The following GLRA2 variants were observed in gnomAD, a reference collection of about 807,000 sequenced individuals.
GLRA2 encodes the protein glycine receptor subunit alpha-2.
GLRA2 carries 11 observed loss-of-function variants against 31.6 expected under a neutral mutation model. The observed-to-expected ratio is 0.35, with a 90% CI of 0.22 to 0.58. The LOEUF is 0.58. GLRA2 is among the 20% of genes least tolerant of loss of function. The pLI, the probability that GLRA2 is intolerant of heterozygous loss-of-function variation, is 0.84. For missense variants in GLRA2, 212 were observed against 351.8 expected (o/e 0.60, Z 3.18); for synonymous variants, 132 against 134.0 (o/e 0.99, Z 0.10).
intron 3 of GLRA2, among the ~76,000 whole-genome samples, chrX:14,577,642 A>G (rs1479898166): frequency 1.8e-5 from 2 of 111,877 alleles, no homozygotes; most frequent in African/African-American, 6.5e-5. Flanking sequence ...CGCATGGTAG[A>G]AAGAAAATTA....
At chrX:14,577,990 A>T (rs772636288) in intron 3 of GLRA2, among the ~76,000 whole-genome samples, 31 of 111,694 alleles carry the variant, frequency 2.8e-4, no homozygotes, top group Admixed American at 9.5e-5. Context: ...CACAGTGATG[A>T]GGTCATTGAG....
intron 7 of GLRA2, among the ~76,000 whole-genome samples, chrX:14,668,115 C>T (rs1282848576): frequency 9.0e-6 from 1 of 111,663 alleles, no homozygotes; most frequent in Non-Finnish European, 1.9e-5. Context: ...GATTCAGTTC[C>T]TCCTGTGCTG....
chrX:14,573,964 G>C (rs1448641826), intron 2 of GLRA2, among the ~76,000 whole-genome samples: 1 of 110,229 alleles, frequency 9.1e-6, no homozygotes, highest in African/African-American at 3.3e-5. Context: ...CTCATGACCA[G>C]GCTATTTCAT....
At chrX:14,500,697 G>C in the GLRA2 span, among the ~76,000 whole-genome samples, 998 of 111,524 alleles carry the variant, frequency 8.9e-3, 3 homozygotes, top group Non-Finnish European at 0.014. Flanking sequence ...TGCAGGGAAG[G>C]GTGTCACAGA....
chrX:14,722,136 C>T (rs750516777), intron 8 of GLRA2, among the ~76,000 whole-genome samples: 2 of 111,950 alleles, frequency 1.8e-5, no homozygotes, highest in South Asian at 3.7e-4. Context: ...TGGCTTAAAA[C>T]GATAACAAGC....
At chrX:14,663,044 T>A (rs892731281) in intron 7 of GLRA2, among the ~76,000 whole-genome samples, 1 of 111,520 alleles carries the variant, frequency 9.0e-6, no homozygotes, top group Admixed American at 9.6e-5. Context: ...GTTTTCCAGA[T>A]AGACTGTCAT....
At chrX:14,536,063 T>G (rs1707577379) in intron 2 of GLRA2, among the ~76,000 whole-genome samples, 1 of 112,361 alleles carries the variant, frequency 8.9e-6, no homozygotes, top group African/African-American at 3.2e-5. Context: ...AATTATTCAT[T>G]CCACTTCTTT....
At chrX:14,517,486 G>T in the GLRA2 span, among the ~76,000 whole-genome samples, 2 of 111,720 alleles carry the variant, frequency 1.8e-5, no homozygotes, top group African/African-American at 6.5e-5. Flanking sequence ...TCTTCACATG[G>T]TGGCAGAAGA....
intron 8 of GLRA2, among the ~76,000 whole-genome samples, chrX:14,710,683 G>A (rs2091699415): frequency 9.0e-6 from 1 of 111,475 alleles, no homozygotes; most frequent in Non-Finnish European, 1.9e-5. Flanking sequence ...ATTAGAACAG[G>A]GTTTCTCAAA....
At chrX:14,672,002 C>G in intron 7 of GLRA2, among the ~76,000 whole-genome samples, 1 of 112,017 alleles carries the variant, frequency 8.9e-6, no homozygotes, top group Non-Finnish European at 1.9e-5. Flanking sequence ...GGTTTCCTCT[C>G]TCATCACTTT....
the GLRA2 span, among the ~76,000 whole-genome samples, chrX:14,523,628 G>T: frequency 9.0e-6 from 1 of 111,524 alleles, no homozygotes; most frequent in Non-Finnish European, 1.9e-5. Flanking sequence ...GAAGGCCATT[G>T]TAGGGTTATT....
At chrX:14,638,333 C>T (rs1489607220) in intron 7 of GLRA2, among the ~76,000 whole-genome samples, 1 of 111,134 alleles carries the variant, frequency 9.0e-6, no homozygotes, top group Non-Finnish European at 1.9e-5. Context: ...AACCTATTTT[C>T]ATGGTATTTT....
intron 4 of GLRA2, among the ~76,000 whole-genome samples, chrX:14,602,918 C>T (rs1008458920): frequency 9.0e-6 from 1 of 111,203 alleles, no homozygotes; most frequent in Admixed American, 9.6e-5. Flanking sequence ...CATATAATAA[C>T]TTCTTTTTCT....
intron 7 of GLRA2, among the ~76,000 whole-genome samples, chrX:14,674,423 T>C (rs2091123214): frequency 8.9e-6 from 1 of 112,199 alleles, no homozygotes; most frequent in Non-Finnish European, 1.9e-5. Flanking sequence ...CCTTGAATTA[T>C]GCAAGTTTTG....
intron 4 of GLRA2, among the ~76,000 whole-genome samples, chrX:14,600,101 T>C (rs1047317433): frequency 1.8e-5 from 2 of 110,886 alleles, no homozygotes; most frequent in Admixed American, 1.9e-4. Flanking sequence ...AGGGATAGGG[T>C]CATGCTTGTT....
the GLRA2 span, among the ~76,000 whole-genome samples, chrX:14,497,474 G>A: frequency 9.0e-6 from 1 of 111,541 alleles, no homozygotes; most frequent in African/African-American, 3.3e-5. Flanking sequence ...TTGGTTATAT[G>A]AAGTGGGTTT....
chrX:14,701,916 G>A (rs1281434302), intron 8 of GLRA2, among the ~76,000 whole-genome samples: 4 of 111,998 alleles, frequency 3.6e-5, no homozygotes, highest in Non-Finnish European at 7.5e-5. Flanking sequence ...GACAGGCTCA[G>A]ACAAATATTT....
the GLRA2 span, among the ~76,000 whole-genome samples, chrX:14,486,663 A>G: frequency 2.1e-4 from 23 of 111,950 alleles, no homozygotes; most frequent in African/African-American, 7.5e-4. Context: ...TACCAGATAA[A>G]CACAAATTTA....
intron 2 of GLRA2, among the ~76,000 whole-genome samples, chrX:14,568,714 A>AAT (rs2089842597): frequency 3.3e-5 from 1 of 30,250 alleles, no homozygotes. Flanking sequence ...AAAAAAGAAA[A>AAT]GAAAAAAAAG....
Sources: gnomAD v4.1 joint callset for allele counts (sites outside exome capture counted in the v4.1 genomes callset) on GRCh38, gnomAD v4.1.1 for gene constraint, MANE v1.5 for transcripts, NCBI Gene and HGNC (gene_info 2026-07-23, HGNC 2026-07-21) for gene names.